The following RFX3 variants were observed in gnomAD, a reference collection of about 807,000 sequenced individuals.
RFX3 encodes transcription factor RFX3.
Under a neutral mutation model 98.6 loss-of-function variants are expected in RFX3, and 14 were observed. The ratio of observed to expected loss-of-function variants is 0.14; its 90% confidence interval spans 0.09 to 0.22. The LOEUF (loss-of-function observed/expected upper bound fraction) is 0.22. Ranked by LOEUF, RFX3 falls within the 10% of genes least tolerant of loss-of-function variation. RFX3 has a pLI of 1.00. For synonymous variants in RFX3, 383 were observed against 328.4 expected, an observed-to-expected ratio of 1.17 and a Z score of -1.80; for missense variants, 639 against 926.9, an observed-to-expected ratio of 0.69 and a Z score of 4.03.
rs775551651 is a variant in RFX3 at position 3,354,108 on chromosome 9, C to T, written c.118-7344G>A. 2.0e-5 allele frequency among the ~76,000 whole-genome samples: 3 copies of T among 152,054 alleles called. No individual in the cohort carries two copies. The East Asian group carries it at 5.8e-4, about 29-fold the overall frequency. ...TAAAATGAAAGCTTAGCAATAAAAT[C>T]TACCTACCATGAAGAACAGAGGCAA... On this transcript the variant is annotated intron_variant, in intron 2 of 16. Coordinates refer to ENST00000617270, the MANE Select transcript of RFX3 (RefSeq NM_001282116.2).
intron 12 of RFX3, among the ~76,000 whole-genome samples, chr9:3,265,218 C>T (rs917712310): frequency 1.3e-5 from 2 of 152,180 alleles, no homozygotes; most frequent in Admixed American, 6.6e-5. Flanking sequence ...TTTTTCATTT[C>T]ACTTAATTTA....
At chr9:3,320,039 T>C (rs373255259) in intron 4 of RFX3, among the ~76,000 whole-genome samples, 1 of 152,306 alleles carries the variant, frequency 6.6e-6, no homozygotes, top group South Asian at 2.1e-4. Flanking sequence ...GATCAGGGTT[T>C]AATGTGAACT....
At chr9:3,293,458 G>C (rs989222259) in intron 5 of RFX3, among the ~76,000 whole-genome samples, 200 bp from the exon 6 acceptor site, 3 of 152,124 alleles carry the variant, frequency 2.0e-5, no homozygotes, top group African/African-American at 7.2e-5. Context: ...ACATCACTAA[G>C]GATCTCAGAC....
intron 14 of RFX3, among the ~76,000 whole-genome samples, chr9:3,253,153 T>C (rs1022783610): frequency 6.6e-6 from 1 of 152,190 alleles, no homozygotes; most frequent in Non-Finnish European, 1.5e-5. Context: ...TGTGTATTTA[T>C]CTTTATAACT....
intron 4 of RFX3, among the ~76,000 whole-genome samples, chr9:3,314,374 A>G (rs1432585309): frequency 1.3e-5 from 2 of 152,242 alleles, no homozygotes; most frequent in Non-Finnish European, 2.9e-5. Flanking sequence ...TGAAGGAAGC[A>G]CTGAACATGG....
chr9:3,436,214 C>G (rs1471300876), intron 1 of RFX3, among the ~76,000 whole-genome samples: 1 of 152,016 alleles, frequency 6.6e-6, no homozygotes, highest in Non-Finnish European at 1.5e-5. Flanking sequence ...CCAAGTTGTT[C>G]TTTGTGATTT....
rs775040355 is a variant in RFX3, at chr9:3,257,133, T to C, written c.1672A>G (p.Met558Val). Residue 558 changes from methionine (M) to valine (V), a missense_variant, in exon 14 of 17, where the codon ATG becomes GTG. Coordinates refer to ENST00000617270, the MANE Select transcript of RFX3 (RefSeq NM_001282116.2). ...AGGGTGCTCTGCTGCTGAAGAGTCA[T>C]CTTGAAGTCTGTTTCTAGTCTCTGA... ...MVQRLETDFKMTLQQQSTLEQ... is the reference protein window; with the variant it reads ...MVQRLETDFKVTLQQQSTLEQ... The C allele has an allele frequency of 6.2e-7, 1 of 1,613,882 alleles. No homozygotes were observed. The highest frequency in any genetic ancestry group is 8.5e-7 in the Non-Finnish European group (1 of 1,179,986).
intron 15 of RFX3, among the ~76,000 whole-genome samples, chr9:3,237,357 T>C (rs917854554): frequency 3.3e-5 from 5 of 152,226 alleles, no homozygotes; most frequent in African/African-American, 1.2e-4. Context: ...AAAAATTGTT[T>C]GCAGAGTATT....
Position 3,481,763 on chromosome 9 carries a change from A to G in RFX3, c.-9+43984T>C, listed in dbSNP as rs548314650. ...TGGAAGATATAAATGGAAACTCAACAAAAGAAATATGAACAGCTAATGAAT... is the reference window on the plus strand; with the variant it reads ...TGGAAGATATAAATGGAAACTCAACGAAAGAAATATGAACAGCTAATGAAT... On this transcript the variant is annotated intron_variant, in intron 1 of 16. Coordinates refer to ENST00000617270, the MANE Select transcript of RFX3 (RefSeq NM_001282116.2). Among the ~76,000 whole-genome samples, 4 of 152,246 alleles carry G rather than the reference A, an allele frequency of 2.6e-5. No homozygotes were observed. In the East Asian group the frequency reaches 7.7e-4, roughly 29 times the overall value.
chr9:3,316,512 G>A (rs556682282), intron 4 of RFX3, among the ~76,000 whole-genome samples: 1 of 152,302 alleles, frequency 6.6e-6, no homozygotes, highest in East Asian at 1.9e-4. Flanking sequence ...CATAGTGTTG[G>A]AAGTTCTGGC....
At chr9:3,470,278 T>C (rs1037205000) in intron 1 of RFX3, among the ~76,000 whole-genome samples, 44 of 152,122 alleles carry the variant, frequency 2.9e-4, no homozygotes, top group African/African-American at 9.6e-4. Context: ...ATCTCAACTT[T>C]TCACAACAAA....
chr9:3,236,830 A>C (rs1014751873), intron 15 of RFX3, among the ~76,000 whole-genome samples: 3 of 152,228 alleles, frequency 2.0e-5, no homozygotes, highest in African/African-American at 7.2e-5. Flanking sequence ...TCTGCCAGCA[A>C]ATGGTAACTT....
chr9:3,356,551 A>T (rs1349504046), intron 2 of RFX3, among the ~76,000 whole-genome samples: 1 of 151,834 alleles, frequency 6.6e-6, no homozygotes, highest in Non-Finnish European at 1.5e-5. Context: ...GAAACATGTC[A>T]AGAAGAAAAA....
intron 1 of RFX3, among the ~76,000 whole-genome samples, chr9:3,498,897 T>C (rs981287815): frequency 1.3e-5 from 2 of 152,068 alleles, no homozygotes; most frequent in Non-Finnish European, 2.9e-5. Context: ...GCTTTCAGGA[T>C]AAGGAGTACT....
At chr9:3,522,278 A>C (rs138717248) in intron 1 of RFX3, among the ~76,000 whole-genome samples, 1 of 152,326 alleles carries the variant, frequency 6.6e-6, no homozygotes, top group East Asian at 1.9e-4. Flanking sequence ...TGTATCTGTG[A>C]ATAGAGAGGA....
chr9:3,366,702 CTTTCTTTCTTTCTT>C (rs1186797142), intron 2 of RFX3, among the ~76,000 whole-genome samples: 6 of 76,304 alleles, frequency 7.9e-5, no homozygotes, highest in African/African-American at 3.3e-4. Flanking sequence ...TCCTTTCTTT[CTTTCTTTCTTTCTT>C]TCTTTCTTTC....
intron 1 of RFX3, among the ~76,000 whole-genome samples, chr9:3,517,340 T>C (rs952667381): frequency 3.3e-5 from 5 of 152,356 alleles, no homozygotes; most frequent in Middle Eastern, 6.8e-3. Context: ...CTAGCATTTT[T>C]GAAGTCCTTT....
At chr9:3,372,613 T>C (rs1837987961) in intron 2 of RFX3, among the ~76,000 whole-genome samples, 1 of 150,868 alleles carries the variant, frequency 6.6e-6, no homozygotes, top group Non-Finnish European at 1.5e-5. Context: ...GGTGGTGTGA[T>C]CTTGGCTCAC....
At chr9:3,468,823 A>G (rs1317760933) in intron 1 of RFX3, among the ~76,000 whole-genome samples, 1 of 150,856 alleles carries the variant, frequency 6.6e-6, no homozygotes, top group Non-Finnish European at 1.5e-5. Flanking sequence ...TTGAAAAAAA[A>G]AAAAAAAAGA....
Sources: gnomAD v4.1 joint callset for allele counts (sites outside exome capture counted in the v4.1 genomes callset) on GRCh38, gnomAD v4.1.1 for gene constraint, MANE v1.5 for transcripts, NCBI Gene and HGNC (gene_info 2026-07-23, HGNC 2026-07-21) for gene names.